CENPP: variants seen among roughly 807,000 people sequenced by gnomAD.
The protein encoded by CENPP is centromere protein P.
Under a neutral mutation model 35.6 loss-of-function variants are expected in CENPP, and 24 were observed. The observed-to-expected ratio is 0.67, with a 90% confidence interval of 0.49 to 0.95. The LOEUF is 0.95. Ranked by LOEUF, CENPP falls within the 40% of genes least tolerant of loss-of-function variation. CENPP has a pLI of 0.00. For missense variants in CENPP, 332 were observed against 345.3 expected (o/e 0.96, Z 0.31); for synonymous variants, 120 against 125.5 (o/e 0.96, Z 0.29).
intron 5 of CENPP, among the ~76,000 whole-genome samples, chr9:92,380,897 A>G (rs1195872494): frequency 6.6e-6 from 1 of 152,182 alleles, no homozygotes; most frequent in Admixed American, 6.5e-5. Flanking sequence ...ATTTGACTCT[A>G]CGTGCTTTCC....
intron 5 of CENPP, among the ~76,000 whole-genome samples, chr9:92,569,167 C>T (rs1381739949): frequency 6.6e-6 from 1 of 152,140 alleles, no homozygotes; most frequent in Non-Finnish European, 1.5e-5. Flanking sequence ...TGCCTATGTC[C>T]TGAATGGTAT....
chr9:92,382,351 C>T (rs966310890), intron 5 of CENPP, among the ~76,000 whole-genome samples: 5 of 151,996 alleles, frequency 3.3e-5, no homozygotes, highest in African/African-American at 1.2e-4. Flanking sequence ...TCAGCTTAAA[C>T]ATTTATCATT....
At position 92,619,007 on chromosome 9, in the gene CENPP, C is replaced by A. The variant is rs191766730; in HGVS notation, c.*5858C>A. ...AAACTAGTGACATTAGGGAGAGGGGCGGCACATAGGCTGGTTATTCAGAAG... is the reference window on the plus strand; with the variant it reads ...AAACTAGTGACATTAGGGAGAGGGGAGGCACATAGGCTGGTTATTCAGAAG... On this transcript the variant is annotated 3_prime_UTR_variant, in exon 8 of 8. Coordinates refer to ENST00000375587, the MANE Select transcript of CENPP (RefSeq NM_001012267.3). 4.3e-3 allele frequency: 1,048 copies of A among 241,668 alleles called. 17 individuals are homozygous for A. The highest frequency in any genetic ancestry group is 5.8e-3 in the East Asian group (57 of 9,808). 15.0% of individuals were successfully genotyped at this position (241,668 alleles called of 1,614,324 possible). A position where few individuals can be genotyped will look rare whatever the true frequency, so the allele number is the denominator to read the frequency against.
At chr9:92,572,964 T>C (rs909107787) in intron 5 of CENPP, among the ~76,000 whole-genome samples, 3 of 152,204 alleles carry the variant, frequency 2.0e-5, no homozygotes, top group African/African-American at 7.2e-5. Flanking sequence ...GTCTTCTCTA[T>C]GCTGTTTATT....
At chr9:92,486,388 CA>C (rs899143669) in intron 5 of CENPP, among the ~76,000 whole-genome samples, 76 of 152,268 alleles carry the variant, frequency 5.0e-4, no homozygotes, top group African/African-American at 1.8e-3. Context: ...GGTTGTGACC[CA>C]GGGGCAGTAT....
intron 5 of CENPP, among the ~76,000 whole-genome samples, chr9:92,597,373 G>T (rs980099680): frequency 1.3e-5 from 2 of 152,082 alleles, no homozygotes; most frequent in African/African-American, 4.8e-5. Context: ...CCTCAAGAAC[G>T]CCTGCCAATC....
At chr9:92,392,327 T>TA (rs1213819152) in intron 5 of CENPP, among the ~76,000 whole-genome samples, 1 of 152,100 alleles carries the variant, frequency 6.6e-6, no homozygotes. Flanking sequence ...TATCAGTATT[T>TA]AAAAAATACT....
intron 5 of CENPP, among the ~76,000 whole-genome samples, chr9:92,491,314 T>C (rs1846166953): frequency 6.6e-6 from 1 of 152,090 alleles, no homozygotes. Context: ...AGCGGGGGTT[T>C]TGTGGGGCTG....
At chr9:92,575,456 T>C (rs186181638) in intron 5 of CENPP, among the ~76,000 whole-genome samples, 90 of 152,286 alleles carry the variant, frequency 5.9e-4, no homozygotes, top group African/African-American at 2.1e-3. Flanking sequence ...ATGCTCAACA[T>C]CACTAATCAT....
intron 5 of CENPP, among the ~76,000 whole-genome samples, chr9:92,589,381 C>T (rs1850617191): frequency 6.6e-6 from 1 of 151,230 alleles, no homozygotes. Flanking sequence ...AAAAAGGAAA[C>T]TACCAAATGG....
At position 92,615,997 on chromosome 9, in the gene CENPP, C is replaced by T; in HGVS notation, c.*2848C>T. 1 of 1,614,172 alleles carries T rather than the reference C, an allele frequency of 6.2e-7. No homozygotes were observed. Among genetic ancestry groups the T allele is most frequent in the Non-Finnish European group, 8.5e-7 (1 of 1,180,032 alleles). ...CGTAGGGCTTGAGGTCAAGGTCCAGCACAGACACGGAAAAGGCAAACCTGG... is the reference window on the plus strand; with the variant it reads ...CGTAGGGCTTGAGGTCAAGGTCCAGTACAGACACGGAAAAGGCAAACCTGG... On this transcript the variant is annotated 3_prime_UTR_variant, in exon 8 of 8. Coordinates refer to ENST00000375587, the MANE Select transcript of CENPP (RefSeq NM_001012267.3).
At chr9:92,608,969 G>A (rs1199947925) in intron 5 of CENPP, among the ~76,000 whole-genome samples, 1 of 152,232 alleles carries the variant, frequency 6.6e-6, no homozygotes, top group Non-Finnish European at 1.5e-5. Flanking sequence ...CCAGGCCCCA[G>A]CCGTCCCAAT....
chr9:92,471,877 C>G (rs1845532830), intron 5 of CENPP, among the ~76,000 whole-genome samples: 1 of 152,108 alleles, frequency 6.6e-6, no homozygotes, highest in South Asian at 2.1e-4. Flanking sequence ...CCAGGCTAGT[C>G]TCGAACTCCT....
At position 92,410,373 on chromosome 9, in the gene CENPP, T is replaced by C. The variant is rs945198809; in HGVS notation, c.564+30514T>C. On this transcript the variant is annotated intron_variant, in intron 5 of 7. Transcript: ENST00000375587. ...GTGGGATGCATTTACTTATATGCAC[T>C]TTTAGAGGGAGGAGCCAGAGCAGAG... Among the ~76,000 whole-genome samples, 16 of 152,302 alleles carry C rather than the reference T, an allele frequency of 1.1e-4. No homozygotes were observed. The South Asian group carries it at 3.1e-3, about 30-fold the overall frequency.
rs141794058 is a variant in CENPP at position 92,599,056 on chromosome 9, C to T, written c.565-12258C>T. Among the ~76,000 whole-genome samples, 49 of 151,804 alleles carry T rather than the reference C, an allele frequency of 3.2e-4. No homozygotes were observed. In the East Asian group the frequency reaches 7.4e-3, roughly 23 times the overall value. ...CGGAGGTTGCAGTGAACTGAGATCG[C>T]ACCACTGCACTCCAGCCTGGGATGG... is the stretch of plus-strand genomic sequence containing the variant. On this transcript the variant is annotated intron_variant, in intron 5 of 7. Transcript: ENST00000375587.
intron 5 of CENPP, among the ~76,000 whole-genome samples, chr9:92,405,022 A>C (rs951181417): frequency 1.3e-5 from 2 of 152,220 alleles, no homozygotes; most frequent in Middle Eastern, 3.4e-3. Flanking sequence ...ATATTTTTCC[A>C]GTGTAAAAAT....
At chr9:92,454,468 C>T (rs961275543) in intron 5 of CENPP, among the ~76,000 whole-genome samples, 1 of 152,052 alleles carries the variant, frequency 6.6e-6, no homozygotes, top group Admixed American at 6.6e-5. Context: ...TGTCAGTAAA[C>T]ATTTTTTACT....
rs1851439238 is a variant in CENPP, at chr9:92,616,435, A to T, written c.*3286A>T. ...TTCCCCCAGCCCAGTGGTATAAACG[A>T]ACGCTGAAAAATCACTTTATCATGA... is the stretch of plus-strand genomic sequence containing the variant. On this transcript the variant is annotated 3_prime_UTR_variant, in exon 8 of 8. Transcript: ENST00000375587. The T allele has an allele frequency of 6.0e-6, 1 of 167,902 alleles. No homozygotes were observed. The highest frequency in any genetic ancestry group is 1.3e-5 in the Non-Finnish European group (1 of 77,696). The allele number at this position is 167,902 out of a possible 1,614,324, so 10.4% of individuals were successfully genotyped here.
intron 5 of CENPP, chr9:92,496,558 G>T: frequency 1.3e-6 from 2 of 1,536,584 alleles, no homozygotes; most frequent in Non-Finnish European, 1.7e-6. Context: ...TTTAACATTT[G>T]TTAAAAAAAT....
Sources: gnomAD v4.1 joint callset for allele counts (sites outside exome capture counted in the v4.1 genomes callset) on GRCh38, gnomAD v4.1.1 for gene constraint, MANE v1.5 for transcripts, NCBI Gene and HGNC (gene_info 2026-07-23, HGNC 2026-07-21) for gene names.